LRP1B: variants seen among roughly 807,000 people sequenced by gnomAD.
The protein encoded by LRP1B is LDL receptor related protein 1B, also known as low-density lipoprotein receptor-related protein 1B.
In LRP1B, 217 loss-of-function variants were observed where a neutral mutation model predicts 556.6. That is an observed-to-expected ratio of 0.39 (90% CI 0.35 to 0.44). The LOEUF (loss-of-function observed/expected upper bound fraction) is 0.44. Ranked by LOEUF, LRP1B falls within the 20% of genes least tolerant of loss-of-function variation. The probability of loss-of-function intolerance (pLI) is 1.00; values close to 1 mark genes in which losing one functional copy is unlikely to be tolerated. For synonymous variants in LRP1B, 2,047 were observed against 1,865.8 expected (o/e 1.10, Z -2.50); for missense variants, 5,053 against 5,620.8 (o/e 0.90, Z 3.23).
intron 83 of LRP1B, among the ~76,000 whole-genome samples, chr2:140,310,414 C>A (rs1398632951): frequency 1.6e-3 from 202 of 124,562 alleles, no homozygotes; most frequent in Non-Finnish European, 1.8e-3. Context: ...CATACGGAAC[C>A]AAAAAAAAAA....
intron 2 of LRP1B, among the ~76,000 whole-genome samples, chr2:141,696,451 T>G (rs1365850539): frequency 1.3e-5 from 2 of 151,946 alleles, no homozygotes; most frequent in East Asian, 3.9e-4. Flanking sequence ...TGCTTTAAAC[T>G]TATATTTACA....
intron 3 of LRP1B, among the ~76,000 whole-genome samples, chr2:141,314,810 T>TTA (rs377271635): frequency 0.55 from 68,273 of 123,122 alleles, 19,839 homozygotes; most frequent in Middle Eastern, 0.68. Context: ...AAAAAAAAAT[T>TTA]TATATATATA....
chr2:140,524,064 C>G (rs1690312337), intron 49 of LRP1B, among the ~76,000 whole-genome samples: 1 of 151,512 alleles, frequency 6.6e-6, no homozygotes, highest in African/African-American at 2.4e-5. Context: ...TATTTTCCAA[C>G]TATGTATCTG....
chr2:140,925,398 G>GCAT (rs562215376), intron 20 of LRP1B, among the ~76,000 whole-genome samples: 1 of 152,286 alleles, frequency 6.6e-6, no homozygotes, highest in South Asian at 2.1e-4. Context: ...TCAGCTCTGT[G>GCAT]CATCACTCTA....
intron 41 of LRP1B, among the ~76,000 whole-genome samples, chr2:140,690,432 T>A (rs1340136337): frequency 6.6e-6 from 1 of 152,092 alleles, no homozygotes; most frequent in Non-Finnish European, 1.5e-5. Flanking sequence ...AAGATTAACA[T>A]CAAAGAAAAT....
intron 2 of LRP1B, among the ~76,000 whole-genome samples, chr2:141,694,649 A>C (rs1691668708): frequency 6.6e-6 from 1 of 151,584 alleles, no homozygotes; most frequent in African/African-American, 2.4e-5. Context: ...ATTGTTTCAA[A>C]AAAAAAAAAA....
intron 1 of LRP1B, among the ~76,000 whole-genome samples, chr2:141,939,258 A>C (rs561986395): frequency 6.6e-6 from 1 of 152,210 alleles, no homozygotes; most frequent in Admixed American, 6.5e-5. Flanking sequence ...ATATACACAC[A>C]CACAATATTA....
intron 20 of LRP1B, 31 bp from the exon 21 acceptor site, chr2:140,923,178 AG>A (rs761049333): frequency 8.4e-6 from 13 of 1,545,852 alleles, no homozygotes; most frequent in South Asian, 1.1e-5. Flanking sequence ...AGAGAAGCAG[AG>A]GGGGGCAAGA....
In LRP1B at chr2:141,015,837, T is replaced by C; in HGVS notation, c.2049A>G (p.Gly683=). 6.2e-7 allele frequency: 1 copy of C among 1,613,528 alleles called. No individual in the cohort carries two copies. The highest frequency in any genetic ancestry group is 1.3e-5 in the African/African-American group (1 of 74,998). The change falls in exon 13 of 91, where the codon GGA becomes GGG. Residue 683 remains glycine, a synonymous_variant. Transcript: ENST00000389484. ...VGRIEKAWMD[G]FNRQIFVTSK... Reference sequence around the variant, plus strand: ...AAGTCACAAAAATCTGCCGATTGAATCCATCCATCCAGGCCTTCTCAATCC... The same window carrying C: ...AAGTCACAAAAATCTGCCGATTGAACCCATCCATCCAGGCCTTCTCAATCC...
At chr2:140,941,186 T>G (rs556342577) in intron 20 of LRP1B, among the ~76,000 whole-genome samples, 1 of 152,274 alleles carries the variant, frequency 6.6e-6, no homozygotes, top group Admixed American at 6.6e-5. Context: ...TACTTTCCCA[T>G]GTATTAACCA....
At chr2:140,848,614 G>T (rs1692346805) in intron 29 of LRP1B, among the ~76,000 whole-genome samples, 1 of 152,114 alleles carries the variant, frequency 6.6e-6, no homozygotes, top group Non-Finnish European at 1.5e-5. Context: ...CAATAGACTT[G>T]AAAGCATAGG....
chr2:141,124,333 T>C (rs917785658), intron 7 of LRP1B, among the ~76,000 whole-genome samples: 1 of 152,286 alleles, frequency 6.6e-6, no homozygotes, highest in Admixed American at 6.5e-5. Context: ...TCTTTTGTAT[T>C]GTTGCATCGC....
rs555805838 is a variant in LRP1B, at chr2:140,716,549, G to A, written c.5893+133C>T. ...AGAAGGAGCGAAGCCAAAAGCAAAA[G>A]AGACTATTTACCCCTGTGGCTAGAA... On this transcript the variant is annotated intron_variant, in intron 36 of 90. Coordinates refer to ENST00000389484, the MANE Select transcript of LRP1B (RefSeq NM_018557.3). 7 of 845,216 alleles carry A rather than the reference G, an allele frequency of 8.3e-6. No individual in the cohort carries two copies. In the East Asian group the frequency reaches 2.0e-4, roughly 24 times the overall value. The allele number at this position is 845,216 out of a possible 1,614,324, so 52.4% of individuals were successfully genotyped here.
Position 140,315,018 on chromosome 2 carries a change from G to T in LRP1B, c.12722C>A (p.Pro4241His), listed in dbSNP as rs1275454833. The T allele has an allele frequency of 6.2e-7, 1 of 1,611,046 alleles. No individual in the cohort carries two copies. Among genetic ancestry groups the T allele is most frequent in the Non-Finnish European group, 8.5e-7 (1 of 1,178,346 alleles). The change falls in exon 83 of 91, where the codon CCC becomes CAC. Residue 4241 changes from proline (P) to histidine (H), a missense_variant. Pro to His is a moderately conservative substitution (Grantham distance 77). Around this residue, in one of 5 missense-constraint regions of LRP1B, gnomAD observed 551 missense variants for 592.0 expected, o/e 0.93. Transcript: ENST00000389484. ...EKGDLRCHCW[P>H]SYSGERCEVN... ...TTCACATCTTTCTCCTGAATAACTG[G>T]GCCAACAGTGACACCTCAAATCACC...
chr2:140,565,712 A>G (rs950084027), intron 43 of LRP1B, among the ~76,000 whole-genome samples: 1 of 152,174 alleles, frequency 6.6e-6, no homozygotes, highest in South Asian at 2.1e-4. Context: ...GCACCAGAGT[A>G]CATCGAAGGA....
chr2:140,818,203 A>T (rs943525998), intron 31 of LRP1B, among the ~76,000 whole-genome samples: 3 of 152,192 alleles, frequency 2.0e-5, no homozygotes, highest in Non-Finnish European at 4.4e-5. Flanking sequence ...AAATAGACAC[A>T]CTATGAATAT....
At chr2:141,464,942 A>G (rs1047447816) in intron 3 of LRP1B, among the ~76,000 whole-genome samples, 11 of 152,070 alleles carry the variant, frequency 7.2e-5, no homozygotes, top group Non-Finnish European at 1.2e-4. Context: ...AAAAATCAAT[A>G]GCAATAAAAA....
chr2:140,480,927 C>T (rs891644103), intron 59 of LRP1B, among the ~76,000 whole-genome samples: 1 of 152,022 alleles, frequency 6.6e-6, no homozygotes, highest in African/African-American at 2.4e-5. Context: ...AGTGCAGTGG[C>T]ACCATCTGGG....
intron 7 of LRP1B, among the ~76,000 whole-genome samples, chr2:141,152,932 C>T (rs1337441988): frequency 6.6e-6 from 1 of 150,772 alleles, no homozygotes; most frequent in Non-Finnish European, 1.5e-5. Flanking sequence ...GAATCTAAAA[C>T]TCAGGAAGCG....
Sources: gnomAD v4.1 joint callset for allele counts (sites outside exome capture counted in the v4.1 genomes callset) on GRCh38, gnomAD v4.1.1 for gene constraint, gnomAD v4.1.1 regional missense constraint, MANE v1.5 for transcripts, NCBI Gene and HGNC (gene_info 2026-07-23, HGNC 2026-07-21) for gene names.